CFAP52: variants seen among roughly 807,000 people sequenced by gnomAD.
The protein encoded by CFAP52 is cilia- and flagella-associated protein 52.
CFAP52 carries 57 observed loss-of-function variants against 70.5 expected under a neutral mutation model. The ratio of observed to expected loss-of-function variants is 0.81; its 90% CI spans 0.65 to 1.01. The LOEUF is 1.01. Among genes scored for constraint, CFAP52 ranks in the 50% least tolerant of loss-of-function variants. CFAP52 has a pLI of 0.00. For missense variants in CFAP52, 785 were observed against 788.5 expected, an observed-to-expected ratio of 1.00 and a Z score of 0.05; for synonymous variants, 267 against 292.5, an observed-to-expected ratio of 0.91 and a Z score of 0.89.
intron 8 of CFAP52, among the ~76,000 whole-genome samples, chr17:9,617,107 T>A (rs1909955992): frequency 1.4e-5 from 1 of 72,590 alleles, no homozygotes; most frequent in Admixed American, 1.4e-4. Flanking sequence ...TTGAAAAAAA[T>A]TTAGAAGAAT....
intron 3 of CFAP52, among the ~76,000 whole-genome samples, chr17:9,588,774 A>ATTT (rs34511627): frequency 0.018 from 2,586 of 144,088 alleles, 72 homozygotes; most frequent in African/African-American, 0.052. Flanking sequence ...ACAGAAAAGA[A>ATTT]TTTTTTTTTT....
chr17:9,604,743 C>G (rs1358297021), intron 6 of CFAP52, among the ~76,000 whole-genome samples: 2 of 144,890 alleles, frequency 1.4e-5, no homozygotes, highest in East Asian at 2.0e-4. Context: ...CAGCAAGACT[C>G]TGTCTCAAAA....
At chr17:9,596,878 G>A (rs946069768) in intron 4 of CFAP52, among the ~76,000 whole-genome samples, 3 of 152,092 alleles carry the variant, frequency 2.0e-5, no homozygotes, top group African/African-American at 7.2e-5. Flanking sequence ...ACCACGCCTG[G>A]CTAATTTTTT....
chr17:9,596,059 GTATATATATATATATATA>G (rs796314327), intron 4 of CFAP52, among the ~76,000 whole-genome samples: 18 of 85,212 alleles, frequency 2.1e-4, no homozygotes, highest in Non-Finnish European at 3.3e-4. Flanking sequence ...ATATGTGTGT[GTATATATATATATATATA>G]TATATATATA....
intron 8 of CFAP52, 107 bp downstream of exon 8, chr17:9,612,586 T>C: frequency 7.6e-7 from 1 of 1,313,688 alleles, no homozygotes; most frequent in South Asian, 1.6e-5. Context: ...ATGATTTTTC[T>C]CCTTAAATTT....
chr17:9,638,541 T>C (rs1406733160), intron 11 of CFAP52, 68 bp from the exon 12 acceptor site: 1 of 1,490,166 alleles, frequency 6.7e-7, no homozygotes, highest in Non-Finnish European at 9.3e-7. Flanking sequence ...CAAATCCAGC[T>C]TGAATAGTGA....
chr17:9,636,926 TC>T (rs1470524262), intron 11 of CFAP52, among the ~76,000 whole-genome samples: 2 of 152,108 alleles, frequency 1.3e-5, no homozygotes, highest in Non-Finnish European at 2.9e-5. Context: ...GTGCCTGTTA[TC>T]CCAGCTACTC....
intron 6 of CFAP52, 57 bp from the exon 7 acceptor site, chr17:9,608,062 T>A: frequency 6.8e-7 from 1 of 1,465,130 alleles, no homozygotes; most frequent in Non-Finnish European, 9.4e-7. Context: ...GAGTACATTC[T>A]TTAGTGGTGA....
chr17:9,645,500 C>T (rs2151957240), downstream of CFAP52: 1 of 915,206 alleles, frequency 1.1e-6, no homozygotes, highest in Non-Finnish European at 1.4e-6. The surrounding 1 kb of genome is among the most constrained non-coding windows in gnomAD (Gnocchi z 6.8). Flanking sequence ...TTGGCTCCGC[C>T]TCCGCCCCGT....
At chr17:9,595,812 T>G (rs1354948166) in intron 4 of CFAP52, among the ~76,000 whole-genome samples, 1 of 151,436 alleles carries the variant, frequency 6.6e-6, no homozygotes, top group African/African-American at 2.4e-5. Context: ...TTCCACTATA[T>G]TGTCCCCATG....
At chr17:9,626,236 T>A (rs1910228851) in intron 8 of CFAP52, among the ~76,000 whole-genome samples, 1 of 152,140 alleles carries the variant, frequency 6.6e-6, no homozygotes, top group South Asian at 2.1e-4. Context: ...GGAAGAAAGT[T>A]CTTCTTTTTT....
At chr17:9,604,574 C>T (rs1029681927) in intron 6 of CFAP52, among the ~76,000 whole-genome samples, 41 of 151,772 alleles carry the variant, frequency 2.7e-4, no homozygotes, top group Non-Finnish European at 7.4e-5. Flanking sequence ...TTAAGACCAG[C>T]GGGGCCAACA....
chr17:9,596,178 C>T (rs1909013859), intron 4 of CFAP52, among the ~76,000 whole-genome samples: 1 of 149,314 alleles, frequency 6.7e-6, no homozygotes, highest in African/African-American at 2.5e-5. Flanking sequence ...CAGCTCACTG[C>T]AACCTCTGCC....
chr17:9,591,185 G>A (rs544569912), intron 3 of CFAP52, among the ~76,000 whole-genome samples: 2 of 149,670 alleles, frequency 1.3e-5, no homozygotes, highest in Non-Finnish European at 3.0e-5. Context: ...TTACAGGCAT[G>A]CACCACCATG....
chr17:9,614,010 G>T (rs895876390), intron 8 of CFAP52, among the ~76,000 whole-genome samples: 35 of 152,020 alleles, frequency 2.3e-4, no homozygotes, highest in African/African-American at 8.4e-4. Flanking sequence ...CACTTTAGTA[G>T]AATTAATCTG....
At chr17:9,579,208 T>TA (rs897113606) in intron 1 of CFAP52, among the ~76,000 whole-genome samples, 3 of 151,864 alleles carry the variant, frequency 2.0e-5, no homozygotes, top group Non-Finnish European at 4.4e-5. Flanking sequence ...ATACTAGCTC[T>TA]AAAAAAAAGA....
intron 11 of CFAP52, among the ~76,000 whole-genome samples, chr17:9,637,426 A>G (rs1910862094): frequency 6.6e-6 from 1 of 152,226 alleles, no homozygotes; most frequent in Non-Finnish European, 1.5e-5. Context: ...GAAAACTTCC[A>G]TAATGAGAAG....
At chr17:9,638,514 C>CA (rs1426602590) in intron 11 of CFAP52, 95 bp from the exon 12 acceptor site, 4 of 1,209,894 alleles carry the variant, frequency 3.3e-6, no homozygotes, top group African/African-American at 1.5e-5. Context: ...TAAACCAACC[C>CA]AAATCCCAGC....
At chr17:9,600,713 C>T (rs143011898) in intron 6 of CFAP52, among the ~76,000 whole-genome samples, 119 of 152,222 alleles carry the variant, frequency 7.8e-4, no homozygotes, top group African/African-American at 2.6e-3. Flanking sequence ...TACAGGCGCC[C>T]GCCACCACGC....
Sources: gnomAD v4.1 joint callset for allele counts (sites outside exome capture counted in the v4.1 genomes callset) on GRCh38, gnomAD v4.1.1 for gene constraint, Gnocchi (gnomAD v3.1) non-coding constraint, MANE v1.5 for transcripts, NCBI Gene and HGNC (gene_info 2026-07-23, HGNC 2026-07-21) for gene names.